Variants in TNRC6C observed in about 807,000 individuals in gnomAD.
The protein encoded by TNRC6C is trinucleotide repeat containing adaptor 6C.
A neutral mutation model predicts 153.7 loss-of-function variants in TNRC6C; 20 were observed. The observed-to-expected ratio is 0.13, with a 90% CI of 0.09 to 0.19. The LOEUF is 0.19. TNRC6C is among the 10% of genes least tolerant of loss of function. TNRC6C has a pLI of 1.00. For missense variants in TNRC6C, 1,987 were observed against 2,172.0 expected, an observed-to-expected ratio of 0.91 and a Z score of 1.69; for synonymous variants, 811 against 841.4, an observed-to-expected ratio of 0.96 and a Z score of 0.63.
rs533806186 is a variant in TNRC6C, at chr17:78,017,005, T to C, written c.-546+11926T>C. ...AGTTTCAACCCCAAGGCCATACTTGTAGCTACTGCACTCCCTCTCAGGAGA... is the reference window on the plus strand; with the variant it reads ...AGTTTCAACCCCAAGGCCATACTTGCAGCTACTGCACTCCCTCTCAGGAGA... On this transcript the variant is annotated intron_variant, in intron 1 of 19. Coordinates refer to ENST00000301624, the Ensembl canonical transcript of TNRC6C. 1.6e-4 allele frequency among the ~76,000 whole-genome samples: 25 copies of C among 152,224 alleles called. 2 individuals carry two copies. The South Asian group carries it at 5.2e-3, about 32-fold the overall frequency.
At chr17:78,069,986 A>G (rs1449754404) in intron 5 of TNRC6C, among the ~76,000 whole-genome samples, 1 of 152,234 alleles carries the variant, frequency 6.6e-6, no homozygotes, top group Non-Finnish European at 1.5e-5. Context: ...GGGTGGCATG[A>G]GATGAAAACT....
upstream of TNRC6C, among the ~76,000 whole-genome samples, chr17:78,000,642 A>ACAC (rs2071399843): frequency 1.9e-5 from 1 of 53,936 alleles, no homozygotes; most frequent in Non-Finnish European, 3.4e-5. Flanking sequence ...ACACACACAC[A>ACAC]AATTAGTGAA....
At chr17:77,970,770 A>T (rs1290026358) in intron 1 of TNRC6C, among the ~76,000 whole-genome samples, 1 of 152,144 alleles carries the variant, frequency 6.6e-6, no homozygotes, top group Non-Finnish European at 1.5e-5. Context: ...GGAAGTCAAA[A>T]GATTGGACAC....
intron 4 of TNRC6C, 114 bp downstream of exon 6, chr17:78,065,051 A>G: frequency 8.0e-7 from 1 of 1,251,902 alleles, no homozygotes. Flanking sequence ...CACTTTAACT[A>G]CAAACCAAGA....
At chr17:78,070,042 T>A (rs1250121631) in intron 5 of TNRC6C, among the ~76,000 whole-genome samples, 4 of 152,164 alleles carry the variant, frequency 2.6e-5, no homozygotes, top group Non-Finnish European at 5.9e-5. Flanking sequence ...AATGTATTCA[T>A]GTTCAAAAAA....
At chr17:77,987,764 C>G (rs1456154954) in intron 1 of TNRC6C, among the ~76,000 whole-genome samples, 2 of 152,156 alleles carry the variant, frequency 1.3e-5, no homozygotes, top group African/African-American at 4.8e-5. Context: ...ACCGCAACCT[C>G]TGCCTCCCGG....
chr17:78,009,842 T>C (rs182449955), intron 1 of TNRC6C, among the ~76,000 whole-genome samples: 44 of 146,958 alleles, frequency 3.0e-4, no homozygotes, highest in Middle Eastern at 7.5e-3. Context: ...CGTGAGCCAC[T>C]GCCCCTGGCC....
intron 1 of TNRC6C, among the ~76,000 whole-genome samples, chr17:77,985,570 C>G (rs1183487542): frequency 2.7e-5 from 4 of 148,566 alleles, no homozygotes; most frequent in Admixed American, 2.0e-4. Context: ...CCACTGCACT[C>G]CAGCCTGGGC....
At chr17:78,084,542 T>C (rs543068961) in intron 11 of TNRC6C, among the ~76,000 whole-genome samples, 1 of 151,662 alleles carries the variant, frequency 6.6e-6, no homozygotes, top group East Asian at 1.9e-4. Context: ...GTCCTCGCTT[T>C]AATGGAAAGC....
intron 1 of TNRC6C, among the ~76,000 whole-genome samples, chr17:77,998,237 A>G (rs1330733595): frequency 6.6e-6 from 1 of 152,116 alleles, no homozygotes; most frequent in Non-Finnish European, 1.5e-5. Context: ...AGACTGTTAT[A>G]TAAGTGGACC....
chr17:77,961,689 A>G (rs2070864172), intron 1 of TNRC6C, among the ~76,000 whole-genome samples: 1 of 152,312 alleles, frequency 6.6e-6, no homozygotes, highest in Non-Finnish European at 1.5e-5. Flanking sequence ...ACAGGTTTAC[A>G]TTTATATTTA....
At chr17:77,966,687 G>C (rs1328127257) in intron 1 of TNRC6C, among the ~76,000 whole-genome samples, 3 of 152,152 alleles carry the variant, frequency 2.0e-5, no homozygotes, top group Non-Finnish European at 4.4e-5. Context: ...GTAGAGATTT[G>C]ACTCACAGCA....
At chr17:78,074,921 GC>G (rs1438468996) in intron 7 of TNRC6C, among the ~76,000 whole-genome samples, 3 of 152,212 alleles carry the variant, frequency 2.0e-5, no homozygotes, top group Admixed American at 6.5e-5. Flanking sequence ...ACGGAAGGGT[GC>G]CTGGGGCCAA....
chr17:77,990,976 T>C (rs1173628298), intron 1 of TNRC6C, among the ~76,000 whole-genome samples: 1 of 152,218 alleles, frequency 6.6e-6, no homozygotes, highest in Non-Finnish European at 1.5e-5. Flanking sequence ...TATCATGGTA[T>C]AATTGGCAGC....
chr17:77,997,540 C>G (rs1160434099), intron 1 of TNRC6C, among the ~76,000 whole-genome samples: 1 of 152,208 alleles, frequency 6.6e-6, no homozygotes, highest in Non-Finnish European at 1.5e-5. Flanking sequence ...CACATACTGT[C>G]TGCACTTCAT....
exon 3 of TNRC6C, chr17:78,051,404 A>C: frequency 1.3e-6 from 2 of 1,548,526 alleles, no homozygotes; most frequent in Non-Finnish European, 8.7e-7. Flanking sequence ...CCGCCCCCGC[A>C]CCAGGCCGGT....
intron 3 of TNRC6C, among the ~76,000 whole-genome samples, chr17:78,052,781 C>A (rs935633150): frequency 2.0e-5 from 3 of 152,180 alleles, no homozygotes; most frequent in Admixed American, 2.0e-4. Context: ...CTCTCTGAGG[C>A]TGCCACATCA....
In TNRC6C at chr17:78,079,996, G is replaced by A. The variant is rs2073151031; in HGVS notation, c.3357+455G>A. Among the ~76,000 whole-genome samples, 1 of 152,198 alleles carries A rather than the reference G, an allele frequency of 6.6e-6. No homozygotes were observed. Among genetic ancestry groups the A allele is most frequent in the Non-Finnish European group, 1.5e-5 (1 of 68,030 alleles). On this transcript the variant is annotated intron_variant, in intron 10 of 19. Coordinates refer to ENST00000301624, the Ensembl canonical transcript of TNRC6C. The surrounding 1 kb of genome is among the most constrained non-coding windows in gnomAD (Gnocchi z 4.3). ...TAGAAGCAGCCAAGGACTGAATCAT[G>A]CTTTAATGAGAAACTAAATGTGATC...
chr17:78,093,776 C>G lies in TNRC6C; in HGVS notation c.4306+13C>G. On this transcript the variant is annotated intron_variant, in intron 16 of 19. Transcript: ENST00000301624. The stretch of plus-strand genomic sequence containing the variant: ...CTCAAGAGTGGAGGTGAGGGTGCTG[C>G]TCTTCCTGCCTCTGCATGGACGGTC... 1.2e-6 allele frequency: 2 copies of G among 1,613,390 alleles called. No homozygotes were observed. The highest frequency in any genetic ancestry group is 1.7e-6 in the Non-Finnish European group (2 of 1,179,710).
Sources: allele counts gnomAD v4.1 joint callset (sites outside exome capture counted in the v4.1 genomes callset), GRCh38; gene constraint gnomAD v4.1.1; non-coding constraint Gnocchi (gnomAD v3.1); transcripts MANE v1.5; gene names NCBI Gene and HGNC (gene_info 2026-07-23, HGNC 2026-07-21).